GPATCH2: variants seen among roughly 807,000 people sequenced by gnomAD.
GPATCH2 encodes G-patch domain containing 2.
A neutral mutation model predicts 58.0 loss-of-function variants in GPATCH2; 51 were observed. The ratio of observed to expected loss-of-function variants is 0.88; its 90% CI spans 0.70 to 1.11. The LOEUF is 1.11. Ranked by LOEUF, GPATCH2 falls within the 50% of genes most tolerant of loss-of-function variation. The pLI is 0.00. For missense variants in GPATCH2, 625 were observed against 652.2 expected, an observed-to-expected ratio of 0.96 and a Z score of 0.45; for synonymous variants, 222 against 218.5, an observed-to-expected ratio of 1.02 and a Z score of -0.14.
chr1:217,556,214 C>G (rs1362426520), intron 5 of GPATCH2, among the ~76,000 whole-genome samples: 2 of 152,102 alleles, frequency 1.3e-5, no homozygotes, highest in East Asian at 3.8e-4. Flanking sequence ...TAAGTCTGTA[C>G]AAAAACCACA....
chr1:217,457,727 G>A (rs1487760119), intron 8 of GPATCH2, among the ~76,000 whole-genome samples: 1 of 152,140 alleles, frequency 6.6e-6, no homozygotes, highest in Non-Finnish European at 1.5e-5. Context: ...TTTTTTGGTA[G>A]TTAATAGAAA....
At chr1:217,571,703 C>CAAAAAAAAAAAAAAAAAAAAAA (rs11463536) in intron 5 of GPATCH2, among the ~76,000 whole-genome samples, 19 of 73,798 alleles carry the variant, frequency 2.6e-4, no homozygotes, top group South Asian at 6.5e-4. Flanking sequence ...AAAACGAAAC[C>CAAAAAAAAAAAAAAAAAAAAAA]AAAAAAAAAA....
chr1:217,595,207 GAATTA>G (rs1315427860), intron 5 of GPATCH2, among the ~76,000 whole-genome samples: 5 of 152,256 alleles, frequency 3.3e-5, no homozygotes, highest in South Asian at 2.1e-4. Context: ...TATGTGGCTT[GAATTA>G]AATTATTTAT....
chr1:217,614,119 GA>G (rs1008070515), intron 3 of GPATCH2, 21 bp downstream of exon 3: 34 of 1,425,562 alleles, frequency 2.4e-5, no homozygotes, highest in Non-Finnish European at 3.4e-5. Flanking sequence ...TCCAAAGAGA[GA>G]AAAAAATATC....
chr1:217,536,694 G>A (rs1190519995), intron 5 of GPATCH2, among the ~76,000 whole-genome samples: 1 of 152,130 alleles, frequency 6.6e-6, no homozygotes, highest in East Asian at 1.9e-4. Flanking sequence ...CAGATGTATG[G>A]CCAGGCGCGG....
chr1:217,485,344 C>A (rs1012783749), intron 8 of GPATCH2, among the ~76,000 whole-genome samples: 19 of 152,264 alleles, frequency 1.2e-4, no homozygotes, highest in African/African-American at 4.6e-4. Flanking sequence ...AACACCCTTA[C>A]GGACAAACCC....
chr1:217,597,795 C>A (rs894892083), intron 5 of GPATCH2, among the ~76,000 whole-genome samples: 34 of 152,118 alleles, frequency 2.2e-4, no homozygotes, highest in African/African-American at 7.5e-4. Context: ...TCTATCCCCA[C>A]CCCAAATAAC....
intron 9 of GPATCH2, among the ~76,000 whole-genome samples, chr1:217,437,407 G>A (rs931673221): frequency 6.6e-6 from 1 of 152,178 alleles, no homozygotes; most frequent in Non-Finnish European, 1.5e-5. Flanking sequence ...TGGAAAGGGG[G>A]TTGAAGCCAG....
intron 5 of GPATCH2, among the ~76,000 whole-genome samples, chr1:217,520,736 T>C (rs1371531965): frequency 6.6e-6 from 1 of 152,240 alleles, no homozygotes; most frequent in Non-Finnish European, 1.5e-5. Context: ...AAAGAATGTG[T>C]AATAATGATC....
At chr1:217,436,384 C>T (rs1658832660) in intron 9 of GPATCH2, among the ~76,000 whole-genome samples, 1 of 152,052 alleles carries the variant, frequency 6.6e-6, no homozygotes, top group Non-Finnish European at 1.5e-5. Flanking sequence ...TTTAATGGTC[C>T]TCAGAGAGTT....
At position 217,430,029 on chromosome 1, in the gene GPATCH2, G is replaced by A. The variant is rs1207167809; in HGVS notation, c.*1116C>T. ...TAAATAAAGATCTTCTAAACTAAAAGCAATTTAGAATTTCTGATACTATGA... is the reference window on the plus strand; with the variant it reads ...TAAATAAAGATCTTCTAAACTAAAAACAATTTAGAATTTCTGATACTATGA... On this transcript the variant is annotated 3_prime_UTR_variant, in exon 10 of 10. Coordinates refer to ENST00000366935, the MANE Select transcript of GPATCH2 (RefSeq NM_018040.5). The A allele has an allele frequency of 6.6e-6, 1 of 151,950 alleles. No individual in the cohort carries two copies. The highest frequency in any genetic ancestry group is 1.5e-5 in the Non-Finnish European group (1 of 67,978). The allele number at this position is 151,950 out of a possible 1,614,324, so 9.4% of individuals were successfully genotyped here. A position where few individuals can be genotyped will look rare whatever the true frequency, so the allele number is the denominator to read the frequency against.
intron 9 of GPATCH2, among the ~76,000 whole-genome samples, chr1:217,444,401 C>T (rs146906394): frequency 6.2e-4 from 94 of 152,250 alleles, no homozygotes; most frequent in African/African-American, 2.2e-3. Flanking sequence ...TTGAACATTT[C>T]CCTTTCTTTC....
At chr1:217,509,679 C>T (rs976976141) in intron 6 of GPATCH2, among the ~76,000 whole-genome samples, 2 of 152,136 alleles carry the variant, frequency 1.3e-5, no homozygotes, top group African/African-American at 4.8e-5. Flanking sequence ...TGAATGCTTT[C>T]CATCACTAGC....
chr1:217,560,766 A>G (rs973666509), intron 5 of GPATCH2, among the ~76,000 whole-genome samples: 4 of 152,218 alleles, frequency 2.6e-5, no homozygotes, highest in Non-Finnish European at 5.9e-5. Context: ...GACTCTTCCA[A>G]CTGGAAGTTA....
chr1:217,583,080 G>A (rs1286973816), intron 5 of GPATCH2, among the ~76,000 whole-genome samples: 1 of 152,124 alleles, frequency 6.6e-6, no homozygotes. Context: ...GCATGTATTA[G>A]ATTATTCCTA....
At chr1:217,628,910 A>G (rs1336460033) in intron 1 of GPATCH2, among the ~76,000 whole-genome samples, 3 of 152,086 alleles carry the variant, frequency 2.0e-5, no homozygotes, top group African/African-American at 7.2e-5. Context: ...TAGGCAACAT[A>G]TAAAAGTGGT....
intron 6 of GPATCH2, among the ~76,000 whole-genome samples, chr1:217,513,397 A>T (rs1571837986): frequency 6.6e-6 from 1 of 152,298 alleles, no homozygotes. Flanking sequence ...ATTTTGCTAT[A>T]TCTGAACAAT....
At chr1:217,623,829 G>C (rs1374932976) in intron 1 of GPATCH2, among the ~76,000 whole-genome samples, 4 of 152,068 alleles carry the variant, frequency 2.6e-5, no homozygotes, top group African/African-American at 7.2e-5. Flanking sequence ...TTGAACCCAG[G>C]AGGCGGAGGT....
rs150366047 is a variant in GPATCH2, at chr1:217,532,124, C to T, written c.1099-17235G>A. Among the ~76,000 whole-genome samples the T allele has an allele frequency of 1.8e-3, 269 of 152,308 alleles. 2 individuals carry two copies. Among genetic ancestry groups the T allele is most frequent in the African/African-American group, 5.9e-3 (245 of 41,560 alleles). ...ATCCCAAGTAGCACACTCCACTGGGCTGTGAGCAACTCCAAGTGCAGGGGT... is the reference window on the plus strand; with the variant it reads ...ATCCCAAGTAGCACACTCCACTGGGTTGTGAGCAACTCCAAGTGCAGGGGT... On this transcript the variant is annotated intron_variant, in intron 5 of 9. Coordinates refer to ENST00000366935, the MANE Select transcript of GPATCH2 (RefSeq NM_018040.5).
Sources: gnomAD v4.1 joint callset for allele counts (sites outside exome capture counted in the v4.1 genomes callset) on GRCh38, gnomAD v4.1.1 for gene constraint, MANE v1.5 for transcripts, NCBI Gene and HGNC (gene_info 2026-07-23, HGNC 2026-07-21) for gene names.